Variants in C10orf67 observed in about 807,000 individuals in gnomAD.
C10orf67 encodes uncharacterized protein C10orf67, mitochondrial.
Under a neutral mutation model 35.6 loss-of-function variants are expected in C10orf67, and 60 were observed. That is an observed-to-expected ratio of 1.68 (90% confidence interval 1.37 to 2.09). The LOEUF (loss-of-function observed/expected upper bound fraction) is 2.09. C10orf67 is among the 30% of genes most tolerant of loss of function. C10orf67 has a pLI of 0.00. For synonymous variants in C10orf67, 167 were observed against 115.8 expected (o/e 1.44, Z -2.84); for missense variants, 474 against 330.2 (o/e 1.44, Z -3.38).
At chr10:23,329,797 C>CAAAAAAAAAAAAAAAAAAAAAAAAA (rs398013008) in intron 2 of C10orf67, among the ~76,000 whole-genome samples, 5 of 48,072 alleles carry the variant, frequency 1.0e-4, no homozygotes, top group Non-Finnish European at 1.1e-4. Context: ...GAACTTGTCT[C>CAAAAAAAAAAAAAAAAAAAAAAAAA]AAAAAAAAAA....
Position 23,239,776 on chromosome 10 carries a change from G to A in C10orf67, c.1387C>T (p.Leu463=). 1.5e-6 allele frequency: 1 copy of A among 647,022 alleles called. No individual in the cohort carries two copies. Among genetic ancestry groups the A allele is most frequent in the Non-Finnish European group, 3.0e-6 (1 of 334,502 alleles). The allele number at this position is 647,022 out of a possible 1,614,324, so 40.1% of individuals were successfully genotyped here. A position where few individuals can be genotyped will look rare whatever the true frequency, so the allele number is the denominator to read the frequency against. Reference sequence around the variant, plus strand: ...GCAAGCACTGCAAACTGACGAAACAGTGTGTGCCTTGTAAACATCTCATTC... The same window carrying A: ...GCAAGCACTGCAAACTGACGAAACAATGTGTGCCTTGTAAACATCTCATTC... ...LKNEMFTRHT[L]FRQFAVLADT... is the part of the protein sequence containing the mutation. The change falls in exon 13 of 16, where the codon CTG becomes TTG. Residue 463 remains leucine, a synonymous_variant. Coordinates refer to ENST00000636213, the MANE Select transcript of C10orf67 (RefSeq NM_001371909.1).
At chr10:23,296,283 C>T (rs949352707) in intron 5 of C10orf67, among the ~76,000 whole-genome samples, 6 of 152,050 alleles carry the variant, frequency 3.9e-5, no homozygotes, top group East Asian at 1.9e-4. Flanking sequence ...ATTGCCAGCT[C>T]GAATGCCTGG....
intron 15 of C10orf67, among the ~76,000 whole-genome samples, chr10:23,205,440 T>C (rs933980815): frequency 6.6e-5 from 10 of 152,236 alleles, no homozygotes; most frequent in African/African-American, 2.2e-4. Context: ...CTTTTGCACA[T>C]TTAATGAAAA....
chr10:23,333,185 G>C lies in C10orf67; in HGVS notation c.207-3C>G. 1 of 1,593,610 alleles carries C rather than the reference G, an allele frequency of 6.3e-7. No individual in the cohort carries two copies. The highest frequency in any genetic ancestry group is 8.6e-7 in the Non-Finnish European group (1 of 1,167,458). On this transcript the variant is annotated splice_region_variant and splice_polypyrimidine_tract_variant and intron_variant, in intron 1 of 15. Coordinates refer to ENST00000636213, the MANE Select transcript of C10orf67 (RefSeq NM_001371909.1). The stretch of plus-strand genomic sequence containing the variant: ...TTAAATCATCTGAAATGTTAAGTCT[G>C]AAAACAAAGGAAATGAAATGTGCTT...
chr10:23,258,941 A>C (rs1413021942), intron 10 of C10orf67, among the ~76,000 whole-genome samples: 1 of 152,244 alleles, frequency 6.6e-6, no homozygotes, highest in East Asian at 1.9e-4. Context: ...CAAATGAAAG[A>C]ATACAGTATG....
rs114513390 is a variant in C10orf67 at position 23,301,860 on chromosome 10, G to A, written c.702+1444C>T. Among the ~76,000 whole-genome samples, 253 of 152,350 alleles carry A rather than the reference G, an allele frequency of 1.7e-3. 2 individuals carry two copies. The highest frequency in any genetic ancestry group is 5.7e-3 in the African/African-American group (235 of 41,574). Reference sequence around the variant, plus strand: ...GAACCCAGTAACTAGCGTTCAGCTCGATTATGATCAACCCGGGCACTTAGC... The same window carrying A: ...GAACCCAGTAACTAGCGTTCAGCTCAATTATGATCAACCCGGGCACTTAGC... On this transcript the variant is annotated intron_variant, in intron 5 of 15. Coordinates refer to ENST00000636213, the MANE Select transcript of C10orf67 (RefSeq NM_001371909.1).
chr10:23,331,716 G>C (rs905456808), intron 2 of C10orf67, among the ~76,000 whole-genome samples: 1 of 150,832 alleles, frequency 6.6e-6, no homozygotes, highest in Admixed American at 6.6e-5. Flanking sequence ...GGGAAAAGGG[G>C]AAGGGAAGGG....
intron 2 of C10orf67, among the ~76,000 whole-genome samples, chr10:23,327,708 C>T (rs1437503908): frequency 6.6e-6 from 1 of 151,890 alleles, no homozygotes; most frequent in East Asian, 1.9e-4. Flanking sequence ...CCCTGTAATC[C>T]CAGCTACTCA....
At chr10:23,268,459 G>A (rs529479238) in intron 8 of C10orf67, among the ~76,000 whole-genome samples, 31 of 152,220 alleles carry the variant, frequency 2.0e-4, no homozygotes, top group Admixed American at 6.5e-4. Context: ...TAAAAATGAT[G>A]AGAAACACAT....
At chr10:23,240,835 C>T (rs1842160940) in intron 12 of C10orf67, among the ~76,000 whole-genome samples, 1 of 152,150 alleles carries the variant, frequency 6.6e-6, no homozygotes, top group African/African-American at 2.4e-5. Flanking sequence ...AAGTGACTTC[C>T]CATGACAAAC....
intron 15 of C10orf67, among the ~76,000 whole-genome samples, chr10:23,217,891 T>C (rs1178416962): frequency 6.6e-6 from 1 of 152,210 alleles, no homozygotes; most frequent in African/African-American, 2.4e-5. Context: ...TCTTGCAAAT[T>C]CAAAGTAATT....
intron 8 of C10orf67, among the ~76,000 whole-genome samples, chr10:23,269,778 T>G (rs1408275583): frequency 6.6e-6 from 1 of 151,876 alleles, no homozygotes; most frequent in Non-Finnish European, 1.5e-5. Flanking sequence ...GAAGAAATGC[T>G]AGAGCTAAAG....
intron 12 of C10orf67, among the ~76,000 whole-genome samples, chr10:23,244,294 G>A (rs1422577906): frequency 6.6e-6 from 1 of 152,100 alleles, no homozygotes; most frequent in Non-Finnish European, 1.5e-5. Context: ...ACAACTTGTG[G>A]GAGGCAGCTC....
chr10:23,247,609 A>T (rs1490828037), intron 12 of C10orf67, among the ~76,000 whole-genome samples: 3 of 152,248 alleles, frequency 2.0e-5, no homozygotes, highest in African/African-American at 7.2e-5. Context: ...ATATGAGGAT[A>T]TTATGAATAA....
At chr10:23,214,855 T>C (rs577884762) in intron 15 of C10orf67, among the ~76,000 whole-genome samples, 1 of 152,226 alleles carries the variant, frequency 6.6e-6, no homozygotes, top group African/African-American at 2.4e-5. Context: ...AAATCCTGTC[T>C]CTACTAAAAA....
chr10:23,278,814 T>A (rs1370684235), intron 8 of C10orf67, among the ~76,000 whole-genome samples: 1 of 152,166 alleles, frequency 6.6e-6, no homozygotes, highest in Non-Finnish European at 1.5e-5. Context: ...CTCCTGAGTG[T>A]AAAGAGAGAA....
At chr10:23,336,526 AT>A (rs1270568656) in intron 1 of C10orf67, among the ~76,000 whole-genome samples, 2 of 151,978 alleles carry the variant, frequency 1.3e-5, no homozygotes, top group Non-Finnish European at 2.9e-5. Context: ...GTTTCAGTAT[AT>A]TTTTTGAGAC....
Position 23,333,176 on chromosome 10 carries a change from G to A in C10orf67, c.213C>T (p.Asn71=), listed in dbSNP as rs1424636046. The A allele has an allele frequency of 6.2e-7, 1 of 1,600,998 alleles. No individual in the cohort carries two copies. Among genetic ancestry groups the A allele is most frequent in the Non-Finnish European group, 8.5e-7 (1 of 1,171,968 alleles). ...PPQMRGSTRL[N]ISDDLKIGFF... is the part of the protein sequence containing the mutation. ...AGCCAATCTTTAAATCATCTGAAAT[G>A]TTAAGTCTGAAAACAAAGGAAATGA... is the stretch of plus-strand genomic sequence containing the variant. Residue 71 remains asparagine, a synonymous_variant, in exon 2 of 16, where the codon AAC becomes AAT. Coordinates refer to ENST00000636213, the MANE Select transcript of C10orf67 (RefSeq NM_001371909.1).
intron 12 of C10orf67, among the ~76,000 whole-genome samples, chr10:23,246,097 G>T (rs1588612138): frequency 6.6e-6 from 1 of 152,180 alleles, no homozygotes; most frequent in African/African-American, 2.4e-5. Context: ...ACTAACACAG[G>T]AACAGAAAAC....
Sources: allele counts gnomAD v4.1 joint callset (sites outside exome capture counted in the v4.1 genomes callset), GRCh38; gene constraint gnomAD v4.1.1; transcripts MANE v1.5; gene names NCBI Gene and HGNC (gene_info 2026-07-23, HGNC 2026-07-21).